Variants in CRB1 observed in about 807,000 individuals in gnomAD.
The protein encoded by CRB1 is protein crumbs homolog 1.
Under a neutral mutation model 120.0 loss-of-function variants are expected in CRB1, and 83 were observed. The ratio of observed to expected loss-of-function variants is 0.69; its 90% CI spans 0.58 to 0.83. The LOEUF (loss-of-function observed/expected upper bound fraction) is 0.83, where lower values mean the gene tolerates loss of function less well. CRB1 is among the 40% of genes least tolerant of loss of function. CRB1 has a pLI of 0.00. For missense variants in CRB1, 1,699 were observed against 1,687.6 expected (o/e 1.01, Z -0.12); for synonymous variants, 625 against 612.5 (o/e 1.02, Z -0.30).
chr1:197,367,047 T>G (rs1661116207), intron 5 of CRB1, among the ~76,000 whole-genome samples: 1 of 152,220 alleles, frequency 6.6e-6, no homozygotes, highest in African/African-American at 2.4e-5. Flanking sequence ...TACTTAAACC[T>G]GCACATCCAC....
At chr1:197,428,079 C>G (rs1406610148) in intron 7 of CRB1, 78 bp downstream of exon 7, 27 of 1,308,192 alleles carry the variant, frequency 2.1e-5, no homozygotes, top group Admixed American at 3.6e-5. Context: ...TTATTAAAAC[C>G]ATTCTTTGTA....
chr1:197,352,489 C>T (rs568417491), intron 4 of CRB1, among the ~76,000 whole-genome samples: 1 of 152,064 alleles, frequency 6.6e-6, no homozygotes, highest in East Asian at 1.9e-4. Context: ...TCAATAAGTC[C>T]ATTGTGGCAC....
chr1:197,311,926 G>T (rs1351777477), intron 1 of CRB1, among the ~76,000 whole-genome samples: 2 of 151,878 alleles, frequency 1.3e-5, no homozygotes, highest in South Asian at 4.2e-4. Flanking sequence ...TTTAAATTTT[G>T]AGTGATATAT....
At chr1:197,353,028 G>A (rs1436913397) in intron 4 of CRB1, among the ~76,000 whole-genome samples, 1 of 152,152 alleles carries the variant, frequency 6.6e-6, no homozygotes, top group Non-Finnish European at 1.5e-5. Flanking sequence ...TAAATAAAAT[G>A]AACACAGTCT....
chr1:197,365,558 TTTTTC>T (rs1198860896), intron 5 of CRB1, among the ~76,000 whole-genome samples: 8 of 151,738 alleles, frequency 5.3e-5, no homozygotes, highest in African/African-American at 9.7e-5. Context: ...TGGCTGCTCT[TTTTTC>T]TTTTCTTTTC....
the CRB1 span, among the ~76,000 whole-genome samples, chr1:197,252,576 ATATATATGTG>A: frequency 2.0e-4 from 7 of 35,056 alleles, no homozygotes; most frequent in African/African-American, 5.5e-4. Flanking sequence ...ATATATATAT[ATATATATGTG>A]TGTGTGTGTG....
chr1:197,328,680 C>A lies in CRB1; in HGVS notation c.329C>A (p.Thr110Asn), dbSNP rs142514137. 1.2e-6 allele frequency: 2 copies of A among 1,613,798 alleles called. No individual in the cohort carries two copies. Among genetic ancestry groups the A allele is most frequent in the Non-Finnish European group, 8.5e-7 (1 of 1,179,682 alleles). Reference sequence around the variant, plus strand: ...TACAGTGGGACAATCTGTGAAACTACCATTGGTTCCTGTGGCAAGAACTCC... The same window carrying A: ...TACAGTGGGACAATCTGTGAAACTAACATTGGTTCCTGTGGCAAGAACTCC... ...PGYSGTICET[T>N]IGSCGKNSCQ... Residue 110 changes from threonine to asparagine, a missense_variant, in exon 2 of 12, where the codon ACC (threonine) becomes AAC (asparagine). Physicochemically the swap from Thr to Asn is moderately conservative, Grantham distance 65. Coordinates refer to ENST00000367400, the MANE Select transcript of CRB1 (RefSeq NM_201253.3).
intron 1 of CRB1, among the ~76,000 whole-genome samples, chr1:197,277,792 C>T (rs908010535): frequency 1.3e-5 from 2 of 151,832 alleles, no homozygotes; most frequent in African/African-American, 2.4e-5. Context: ...TCTAGGTCTC[C>T]AATTTCTCAC....
At chr1:197,389,366 A>G (rs981903590) in intron 5 of CRB1, among the ~76,000 whole-genome samples, 15 of 152,192 alleles carry the variant, frequency 9.9e-5, no homozygotes, top group African/African-American at 3.4e-4. Context: ...AGGCTTAAAA[A>G]GCAAGGACAT....
the CRB1 span, among the ~76,000 whole-genome samples, chr1:197,218,459 T>G: frequency 6.6e-6 from 1 of 152,196 alleles, no homozygotes; most frequent in South Asian, 2.1e-4. Context: ...ATGTAAAGTA[T>G]ATATTTTTAA....
intron 5 of CRB1, among the ~76,000 whole-genome samples, chr1:197,413,632 T>C (rs781268900): frequency 1.3e-5 from 2 of 152,238 alleles, no homozygotes; most frequent in Non-Finnish European, 2.9e-5. Flanking sequence ...TTCATAATAA[T>C]ACTGTCAGCG....
the CRB1 span, among the ~76,000 whole-genome samples, chr1:197,209,366 A>T: frequency 6.9e-6 from 1 of 145,872 alleles, no homozygotes; most frequent in East Asian, 2.0e-4. Flanking sequence ...TTTTTTTGAG[A>T]TGGAGTCTCG....
intron 8 of CRB1, among the ~76,000 whole-genome samples, chr1:197,434,210 T>A (rs1312402881): frequency 6.6e-6 from 1 of 152,142 alleles, no homozygotes; most frequent in Non-Finnish European, 1.5e-5. Flanking sequence ...AACTGCCTAC[T>A]CATCAGCTTA....
At chr1:197,275,181 T>G (rs1418693388) in intron 1 of CRB1, among the ~76,000 whole-genome samples, 2 of 152,040 alleles carry the variant, frequency 1.3e-5, no homozygotes, top group African/African-American at 4.8e-5. Flanking sequence ...TGGAGTAGAT[T>G]CACCCTAATG....
chr1:197,355,277 C>T (rs1453718630), intron 4 of CRB1, among the ~76,000 whole-genome samples: 1 of 152,204 alleles, frequency 6.6e-6, no homozygotes, highest in Non-Finnish European at 1.5e-5. Flanking sequence ...TTGGTGCATC[C>T]ACAATCCCTT....
chr1:197,356,792 C>T (rs748911676), intron 4 of CRB1, 39 bp from the exon 5 acceptor site: 3 of 1,607,984 alleles, frequency 1.9e-6, no homozygotes, highest in East Asian at 4.5e-5. Flanking sequence ...TAATTCAACA[C>T]CTTTGACTTA....
upstream of CRB1, chr1:197,268,098 T>G (rs1209561885): frequency 2.8e-6 from 1 of 350,906 alleles, no homozygotes; most frequent in Non-Finnish European, 5.5e-6. Flanking sequence ...TAGGCCCTTT[T>G]GAGGAGGCAG....
At chr1:197,389,001 T>A (rs966488437) in intron 5 of CRB1, among the ~76,000 whole-genome samples, 1 of 152,042 alleles carries the variant, frequency 6.6e-6, no homozygotes, top group African/African-American at 2.4e-5. Context: ...AAAACCACAG[T>A]GAGATACCGC....
intron 11 of CRB1, among the ~76,000 whole-genome samples, chr1:197,449,693 G>A (rs962393502): frequency 6.6e-6 from 1 of 152,130 alleles, no homozygotes; most frequent in African/African-American, 2.4e-5. Flanking sequence ...ATTTTGGCAG[G>A]CAGTCTCTTA....
Sources: allele counts gnomAD v4.1 joint callset (sites outside exome capture counted in the v4.1 genomes callset), GRCh38; gene constraint gnomAD v4.1.1; transcripts MANE v1.5; gene names NCBI Gene and HGNC (gene_info 2026-07-23, HGNC 2026-07-21).